SMIM22: variants seen among roughly 807,000 people sequenced by gnomAD.
The protein encoded by SMIM22 is small integral membrane protein 22, also known as cancer associated small integral membrane open reading frame 1.
A neutral mutation model predicts 8.4 loss-of-function variants in SMIM22; 16 were observed. The observed-to-expected ratio is 1.90, with a 90% CI of 1.29 to 2.89. The LOEUF (loss-of-function observed/expected upper bound fraction) is 2.89, where lower values mean the gene tolerates loss of function less well. SMIM22 is among the 30% of genes most tolerant of loss of function. The pLI is 0.00. For synonymous variants in SMIM22, 67 were observed against 47.6 expected, an observed-to-expected ratio of 1.41 and a Z score of -1.68; for missense variants, 159 against 107.5, an observed-to-expected ratio of 1.48 and a Z score of -2.12.
chr16:4,792,630 C>G (rs1352118818), upstream of SMIM22, among the ~76,000 whole-genome samples: 2 of 147,374 alleles, frequency 1.4e-5, no homozygotes, highest in African/African-American at 5.0e-5. Context: ...GGTGAAACCC[C>G]GTCTCTACTG....
chr16:4,794,153 G>A (rs1336532048), upstream of SMIM22, among the ~76,000 whole-genome samples: 1 of 152,118 alleles, frequency 6.6e-6, no homozygotes, highest in Non-Finnish European at 1.5e-5. Flanking sequence ...TGTCACCCAG[G>A]CTGGAGTGCA....
upstream of SMIM22, among the ~76,000 whole-genome samples, chr16:4,792,286 G>A (rs1020651720): frequency 6.6e-6 from 1 of 151,388 alleles, no homozygotes; most frequent in South Asian, 2.1e-4. Context: ...CGCCTCCCGG[G>A]TTCATGCCAT....
At chr16:4,795,349 G>C (rs948168269), upstream of SMIM22, 3 of 225,038 alleles carry the variant, frequency 1.3e-5, no homozygotes, top group Admixed American at 1.1e-4. Context: ...GGGGAGGGCG[G>C]GGCTGGTTGC....
At position 4,795,623 on chromosome 16, in the gene SMIM22, A is replaced by G. The variant is rs1391152775; in HGVS notation, c.-20-92A>G. On this transcript the variant is annotated intron_variant, in intron 1 of 3. Transcript: ENST00000586005. The stretch of plus-strand genomic sequence containing the variant: ...GTGGGGAAGCTGGCGCTGGGCCAGG[A>G]GCGGGCAGTGGCTGGGCTGTGGGAA... 5 of 1,434,050 alleles carry G rather than the reference A, an allele frequency of 3.5e-6. No individual in the cohort carries two copies. In the African/African-American group the frequency reaches 7.1e-5, roughly 20 times the overall value. 88.8% of individuals were successfully genotyped at this position (1,434,050 alleles called of 1,614,324 possible). A position where few individuals can be genotyped will look rare whatever the true frequency, so the allele number is the denominator to read the frequency against.
upstream of SMIM22, among the ~76,000 whole-genome samples, chr16:4,791,557 C>G (rs1487586498): frequency 2.6e-5 from 4 of 152,190 alleles, no homozygotes; most frequent in Non-Finnish European, 5.9e-5. Context: ...TACTCAAGCT[C>G]ACACATTGGT....
chr16:4,791,555 C>T (rs1216077046), upstream of SMIM22, among the ~76,000 whole-genome samples: 1 of 152,186 alleles, frequency 6.6e-6, no homozygotes, highest in Non-Finnish European at 1.5e-5. Flanking sequence ...GTTACTCAAG[C>T]TCACACATTG....
upstream of SMIM22, chr16:4,788,421 A>G (rs1050247653): frequency 2.0e-5 from 3 of 152,604 alleles, no homozygotes; most frequent in African/African-American, 7.2e-5. Flanking sequence ...CCCCACCTGG[A>G]GGCTTCTCTG....
upstream of SMIM22, among the ~76,000 whole-genome samples, chr16:4,793,347 T>G (rs2082582094): frequency 1.3e-5 from 2 of 152,180 alleles, no homozygotes; most frequent in African/African-American, 2.4e-5. Context: ...TTGTGTTGTT[T>G]GAAGCCACAG....
chr16:4,795,543 C>A (rs1226494336), intron 1 of SMIM22, 94 bp downstream of exon 1: 2 of 765,858 alleles, frequency 2.6e-6, no homozygotes, highest in East Asian at 2.8e-5. Flanking sequence ...GACCACAGGG[C>A]TGGGCAAGGA....
intron 2 of SMIM22, chr16:4,789,903 TCTTTTC>T (rs1040863932): frequency 6.8e-6 from 1 of 147,266 alleles, no homozygotes; most frequent in African/African-American, 2.7e-5. Flanking sequence ...TTTTCTCCTT[TCTTTTC>T]TTTCTTTTTT....
At chr16:4,793,389 C>A (rs7185700), upstream of SMIM22, among the ~76,000 whole-genome samples, 10,154 of 152,202 alleles carry the variant, frequency 0.067, 1,145 homozygotes, top group African/African-American at 0.23. Flanking sequence ...AGCATTGGGA[C>A]ATGGATACAT....
upstream of SMIM22, among the ~76,000 whole-genome samples, chr16:4,791,977 G>A (rs867714278): frequency 4.6e-5 from 7 of 151,952 alleles, no homozygotes; most frequent in African/African-American, 1.2e-4. Context: ...GTGAGCCACC[G>A]CGCCTGGCCT....
intron 2 of SMIM22, among the ~76,000 whole-genome samples, chr16:4,789,727 G>C (rs1002030212): frequency 6.6e-6 from 1 of 151,970 alleles, no homozygotes; most frequent in African/African-American, 2.4e-5. Flanking sequence ...CCTAAATGCT[G>C]AGATTACAGA....
In SMIM22 at chr16:4,796,038, GCCC is replaced by G. The variant is rs2082638190; in HGVS notation, c.217_219del (p.Pro73del). 1.3e-5 allele frequency: 20 copies of G among 1,528,714 alleles called. No homozygotes were observed. Among genetic ancestry groups the G allele is most frequent in the Non-Finnish European group, 1.8e-5 (20 of 1,142,390 alleles). 94.7% of individuals were successfully genotyped at this position (1,528,714 alleles called of 1,614,324 possible). On this transcript the variant is annotated inframe_deletion, in exon 3 of 4. Transcript: ENST00000586005. ...CGCAGGGAAAGCCCCAGGAAGGTGAGCCCCTGGAAGGTGAGCCCTGCCGGCCTC... is the reference window on the plus strand; with the variant it reads ...CGCAGGGAAAGCCCCAGGAAGGTGAGCTGGAAGGTGAGCCCTGCCGGCCTC...
At chr16:4,795,593 A>T in intron 1 of SMIM22, 122 bp from the exon 2 acceptor site, 1 of 1,111,584 alleles carries the variant, frequency 9.0e-7, no homozygotes, top group Non-Finnish European at 1.2e-6. Context: ...GTGGAGTGGG[A>T]GGGGGTGGGG....
intron 2 of SMIM22, among the ~76,000 whole-genome samples, chr16:4,789,697 G>C (rs1412693092): frequency 6.6e-6 from 1 of 151,820 alleles, no homozygotes; most frequent in South Asian, 2.1e-4. Context: ...GGGTTCTAGT[G>C]ATCCTCTCAC....
chr16:4,790,436 C>A (rs1053542716), upstream of SMIM22, among the ~76,000 whole-genome samples: 2 of 152,166 alleles, frequency 1.3e-5, 1 homozygote, highest in Admixed American at 1.3e-4. Context: ...CTACCTTCTG[C>A]CAGTTCTTCC....
chr16:4,795,707 C>T lies in SMIM22; in HGVS notation c.-20-8C>T, dbSNP rs1050579005. 49 of 1,533,258 alleles carry T rather than the reference C, an allele frequency of 3.2e-5. 1 individual carries two copies. Among genetic ancestry groups the T allele is most frequent in the Non-Finnish European group, 3.9e-5 (45 of 1,145,924 alleles). 95.0% of individuals were successfully genotyped at this position (1,533,258 alleles called of 1,614,324 possible). On this transcript the variant is annotated splice_polypyrimidine_tract_variant and splice_region_variant and intron_variant, in intron 1 of 3. Coordinates refer to ENST00000586005, the MANE Select transcript of SMIM22 (RefSeq NM_001253794.2). ...GATCCTGATGCAGCCTCTGGGGGAC[C>T]GGGGCAGGTGGCACGGTGCACGCCA...
chr16:4,792,674 C>T (rs980502890), upstream of SMIM22, among the ~76,000 whole-genome samples: 3 of 150,386 alleles, frequency 2.0e-5, no homozygotes, highest in South Asian at 2.1e-4. Context: ...TGGTGGTGCA[C>T]GCTTGAAATC....
Sources: allele counts gnomAD v4.1 joint callset (sites outside exome capture counted in the v4.1 genomes callset), GRCh38; gene constraint gnomAD v4.1.1; transcripts MANE v1.5; gene names NCBI Gene and HGNC (gene_info 2026-07-23, HGNC 2026-07-21).